Variants in DENND1A observed in about 807,000 individuals in gnomAD.
The protein encoded by DENND1A is DENN domain-containing protein 1A.
In DENND1A, 51 loss-of-function variants were observed where a neutral mutation model predicts 113.7. The observed-to-expected ratio is 0.45, with a 90% CI of 0.36 to 0.57. The LOEUF (loss-of-function observed/expected upper bound fraction) is 0.57, where lower values mean the gene tolerates loss of function less well. DENND1A is among the 20% of genes least tolerant of loss of function. DENND1A has a pLI of 0.00. For missense variants in DENND1A, 1,258 were observed against 1,395.9 expected, an observed-to-expected ratio of 0.90 and a Z score of 1.57; for synonymous variants, 565 against 570.8, an observed-to-expected ratio of 0.99 and a Z score of 0.14.
At chr9:123,730,834 C>T (rs1488105049) in intron 5 of DENND1A, among the ~76,000 whole-genome samples, 6 of 152,104 alleles carry the variant, frequency 3.9e-5, no homozygotes, top group African/African-American at 1.4e-4. Flanking sequence ...CTGCTCACAA[C>T]AGCAAAGACT....
intron 12 of DENND1A, among the ~76,000 whole-genome samples, chr9:123,567,019 A>G (rs2058092297): frequency 6.6e-6 from 1 of 152,104 alleles, no homozygotes. Flanking sequence ...CTCAAAGTAA[A>G]TGTGTATTTA....
At chr9:123,529,988 C>A (rs2055162697) in intron 13 of DENND1A, among the ~76,000 whole-genome samples, 1 of 152,094 alleles carries the variant, frequency 6.6e-6, no homozygotes, top group Non-Finnish European at 1.5e-5. Flanking sequence ...GACACTATCA[C>A]CTATTCTGAA....
chr9:123,792,691 C>T, intron 2 of DENND1A, 61 bp from the exon 3 acceptor site: 6 of 1,569,784 alleles, frequency 3.8e-6, no homozygotes, highest in Non-Finnish European at 5.2e-6. Context: ...CAGAGGATCA[C>T]ACATTAATAT....
At chr9:123,846,563 T>C (rs890883287) in intron 2 of DENND1A, among the ~76,000 whole-genome samples, 3 of 152,078 alleles carry the variant, frequency 2.0e-5, no homozygotes, top group African/African-American at 7.2e-5. Flanking sequence ...GAATAAAGCT[T>C]GAAAACATTA....
At chr9:123,863,070 A>G (rs1845282481) in intron 2 of DENND1A, among the ~76,000 whole-genome samples, 1 of 152,212 alleles carries the variant, frequency 6.6e-6, no homozygotes, top group South Asian at 2.1e-4. Flanking sequence ...TTAGCATGGT[A>G]ATAAGTGCGA....
At chr9:123,517,288 C>G (rs1433443041) in intron 13 of DENND1A, among the ~76,000 whole-genome samples, 2 of 148,752 alleles carry the variant, frequency 1.3e-5, no homozygotes, top group African/African-American at 2.5e-5. Context: ...CAAAACCCCC[C>G]CCAAAAAACC....
intron 20 of DENND1A, 53 bp downstream of exon 20, chr9:123,411,723 G>C: frequency 1.0e-6 from 1 of 982,242 alleles, no homozygotes; most frequent in East Asian, 1.1e-4. Flanking sequence ...CAGGCTGAGG[G>C]AGAATGGCTC....
At chr9:123,407,616 T>G (rs10818815) in intron 20 of DENND1A, among the ~76,000 whole-genome samples, 19,600 of 151,964 alleles carry the variant, frequency 0.13, 1,328 homozygotes, top group Middle Eastern at 0.2. Flanking sequence ...TGGGTACTGG[T>G]GATGAAGGAA....
chr9:123,630,435 G>A lies in DENND1A; in HGVS notation c.660C>T (p.Pro220=). The change falls in exon 10 of 24, where the codon CCC becomes CCT. Residue 220 remains proline, a synonymous_variant. Transcript: ENST00000394215. ...CIHGSAAMLY[P]MYWQHVYIPV... Reference sequence around the variant, plus strand: ...GGATGTACACGTGCTGCCAGTACATGGGGTAGAGCATCGCCGCAGACCCGT... The same window carrying A: ...GGATGTACACGTGCTGCCAGTACATAGGGTAGAGCATCGCCGCAGACCCGT... The A allele has an allele frequency of 1.2e-6, 2 of 1,604,388 alleles. No homozygotes were observed. Among genetic ancestry groups the A allele is most frequent in the Non-Finnish European group, 1.7e-6 (2 of 1,174,822 alleles).
chr9:123,387,927 G>A, intron 21 of DENND1A, 69 bp from the exon 22 acceptor site: 1 of 1,263,792 alleles, frequency 7.9e-7, no homozygotes, highest in Non-Finnish European at 1.0e-6. Flanking sequence ...TCACGTGCAG[G>A]CGGGAAGCAG....
At chr9:123,582,286 G>GAGACCCTC (rs1350719733) in intron 12 of DENND1A, among the ~76,000 whole-genome samples, 1 of 152,198 alleles carries the variant, frequency 6.6e-6, no homozygotes, top group Non-Finnish European at 1.5e-5. Flanking sequence ...GAGAGCTGGC[G>GAGACCCTC]AGACTCTCAG....
Position 123,737,602 on chromosome 9 carries a change from A to T in DENND1A, c.302+20101T>A, listed in dbSNP as rs2068665574. Among the ~76,000 whole-genome samples, 4 of 152,284 alleles carry T rather than the reference A, an allele frequency of 2.6e-5. No individual in the cohort carries two copies. In the South Asian group the frequency reaches 8.3e-4, roughly 32 times the overall value. ...GTAGCAGAAGCTAAGATTTTTGTACACATTCCTCGATCTTTAAAAGAGTAT... is the reference window on the plus strand; with the variant it reads ...GTAGCAGAAGCTAAGATTTTTGTACTCATTCCTCGATCTTTAAAAGAGTAT... On this transcript the variant is annotated intron_variant, in intron 5 of 23. Coordinates refer to ENST00000394215, the MANE Select transcript of DENND1A (RefSeq NM_001352964.2).
At chr9:123,864,577 C>T (rs1162968041) in intron 2 of DENND1A, among the ~76,000 whole-genome samples, 2 of 152,114 alleles carry the variant, frequency 1.3e-5, no homozygotes, top group East Asian at 3.8e-4. Flanking sequence ...TGTGAGAGCG[C>T]CTTCCTTTAA....
intron 21 of DENND1A, chr9:123,401,317 G>T (rs2043443039): frequency 5.0e-6 from 1 of 201,294 alleles, no homozygotes; most frequent in Non-Finnish European, 9.1e-6. Context: ...TTGTGACATG[G>T]CATTTGGAAG....
In DENND1A at chr9:123,594,310, C is replaced by T. The variant is rs573717057; in HGVS notation, c.766-11040G>A. The stretch of plus-strand genomic sequence containing the variant: ...ATTACAGCCACTAGCTGTTGTGTTT[C>T]TCCCACAGCCCAACTCCTTACAAGT... On this transcript the variant is annotated intron_variant, in intron 11 of 23. Coordinates refer to ENST00000394215, the MANE Select transcript of DENND1A (RefSeq NM_001352964.2). Among the ~76,000 whole-genome samples, 3 of 152,288 alleles carry T rather than the reference C, an allele frequency of 2.0e-5. No homozygotes were observed. In the South Asian group the frequency reaches 6.2e-4, roughly 32 times the overall value.
chr9:123,718,154 T>C (rs561968342), intron 5 of DENND1A, among the ~76,000 whole-genome samples: 1 of 152,232 alleles, frequency 6.6e-6, no homozygotes, highest in Non-Finnish European at 1.5e-5. Context: ...AAGAACTTTT[T>C]CTATTTTGGA....
chr9:123,463,023 G>A (rs1003030564), intron 13 of DENND1A, among the ~76,000 whole-genome samples: 3 of 152,166 alleles, frequency 2.0e-5, no homozygotes, highest in Admixed American at 6.5e-5. Context: ...ATGGAGAAGA[G>A]TAAGGCAAGG....
At chr9:123,735,536 C>T (rs2130954859) in intron 5 of DENND1A, among the ~76,000 whole-genome samples, 1 of 152,298 alleles carries the variant, frequency 6.6e-6, no homozygotes, top group East Asian at 1.9e-4. Context: ...TCATGATTTC[C>T]TCAGGTCGTC....
At chr9:123,563,817 C>T (rs1384101277) in intron 12 of DENND1A, among the ~76,000 whole-genome samples, 1 of 152,158 alleles carries the variant, frequency 6.6e-6, no homozygotes, top group African/African-American at 2.4e-5. Flanking sequence ...TCCATTTGCA[C>T]CTTTGTCTTC....
Sources: gnomAD v4.1 joint callset for allele counts (sites outside exome capture counted in the v4.1 genomes callset) on GRCh38, gnomAD v4.1.1 for gene constraint, MANE v1.5 for transcripts, NCBI Gene and HGNC (gene_info 2026-07-23, HGNC 2026-07-21) for gene names.